YTHDC2: variants seen among roughly 807,000 people sequenced by gnomAD.
The protein encoded by YTHDC2 is 3'-5' RNA helicase YTHDC2.
In YTHDC2, 45 loss-of-function variants were observed where a neutral mutation model predicts 174.9. The ratio of observed to expected loss-of-function variants is 0.26; its 90% CI spans 0.20 to 0.33. The LOEUF is 0.33. Among genes scored for constraint, YTHDC2 ranks in the 10% least tolerant of loss-of-function variants. The probability of loss-of-function intolerance (pLI) is 1.00; values close to 1 mark genes in which losing one functional copy is unlikely to be tolerated. For synonymous variants in YTHDC2, 657 were observed against 574.5 expected, an observed-to-expected ratio of 1.14 and a Z score of -2.05; for missense variants, 1,650 against 1,723.7, an observed-to-expected ratio of 0.96 and a Z score of 0.76.
At chr5:113,563,268 C>G (rs544137285) in intron 18 of YTHDC2, 105 bp from the exon 19 acceptor site, 2 of 921,166 alleles carry the variant, frequency 2.2e-6, no homozygotes, top group East Asian at 5.4e-5. Context: ...TAATCAGAGA[C>G]TCTACTAGTC....
Position 113,564,102 on chromosome 5 carries a change from G to C in YTHDC2, c.2686G>C (p.Asp896His), listed in dbSNP as rs1056425699. 1.1e-5 allele frequency: 17 copies of C among 1,613,948 alleles called. No homozygotes were observed. The highest frequency in any genetic ancestry group is 1.3e-5 in the African/African-American group (1 of 74,908). Reference sequence around the variant, plus strand: ...ACGTTTTACTGCAGGAGCTTTCAGTGACCATATGGCACTTCTCAGAGCATT... The same window carrying C: ...ACGTTTTACTGCAGGAGCTTTCAGTCACCATATGGCACTTCTCAGAGCATT... ...RKRFTAGAFS[D>H]HMALLRAFQA... The change falls in exon 20 of 30, where the codon GAC (aspartate) becomes CAC (histidine). Residue 896 changes from aspartate to histidine, a missense_variant. By Grantham distance (81) the Asp-to-His change is moderately conservative (BLOSUM62 -1). Coordinates refer to ENST00000161863, the MANE Select transcript of YTHDC2 (RefSeq NM_022828.5).
chr5:113,589,449 G>C (rs2112820560), intron 26 of YTHDC2, among the ~76,000 whole-genome samples: 1 of 136,590 alleles, frequency 7.3e-6, no homozygotes, highest in East Asian at 2.0e-4. Flanking sequence ...ATATCTTCTG[G>C]CCCGGCGTGG....
chr5:113,533,761 A>G (rs541225989), intron 5 of YTHDC2, among the ~76,000 whole-genome samples: 2 of 152,166 alleles, frequency 1.3e-5, no homozygotes, highest in South Asian at 4.1e-4. Flanking sequence ...CTGAAATCCA[A>G]GATGCTAAAA....
Position 113,592,058 on chromosome 5 carries a change from A to G in YTHDC2, c.4092A>G (p.Gly1364=), listed in dbSNP as rs1779031330. 1.2e-6 allele frequency: 2 copies of G among 1,613,114 alleles called. No homozygotes were observed. Among genetic ancestry groups the G allele is most frequent in the East Asian group, 4.5e-5 (2 of 44,834 alleles). The change falls in exon 28 of 30, where the codon GGA becomes GGG. Residue 1364 remains glycine, a synonymous_variant. Transcript: ENST00000161863. ...AGAGTCAGGACTGGGGCTCTGCTGGACTAGGAGGAGTATTTAAGGTGGAGT... is the reference window on the plus strand; with the variant it reads ...AGAGTCAGGACTGGGGCTCTGCTGGGCTAGGAGGAGTATTTAAGGTGGAGT... ...REKSQDWGSA[G]LGGVFKVEWI...
chr5:113,589,427 A>ATATATATATATATATG (rs1778890835), intron 26 of YTHDC2, among the ~76,000 whole-genome samples: 2 of 143,856 alleles, frequency 1.4e-5, no homozygotes, highest in African/African-American at 5.1e-5. Context: ...ATATATATAT[A>ATATATATATATATATG]TATATGTATA....
intron 26 of YTHDC2, among the ~76,000 whole-genome samples, chr5:113,590,064 A>G (rs1778925678): frequency 6.7e-6 from 1 of 149,440 alleles, no homozygotes; most frequent in African/African-American, 2.5e-5. Flanking sequence ...CTGATTGCTC[A>G]TTGCAATCAG....
intron 2 of YTHDC2, among the ~76,000 whole-genome samples, chr5:113,521,903 G>T (rs932575580): frequency 6.6e-6 from 1 of 150,910 alleles, no homozygotes; most frequent in African/African-American, 2.4e-5. Context: ...GCTGTGCTCA[G>T]TTTGGCGACA....
In YTHDC2 at chr5:113,549,033, A is replaced by T. The variant is rs775510094; in HGVS notation, c.1688+13A>T. ...TAGAATCTTACAGGTAAAACTTTGTACTATTTTAAATTAATTCTACCGTCT... is the reference window on the plus strand; with the variant it reads ...TAGAATCTTACAGGTAAAACTTTGTTCTATTTTAAATTAATTCTACCGTCT... On this transcript the variant is annotated intron_variant, in intron 12 of 29. Transcript: ENST00000161863. 6.3e-7 allele frequency: 1 copy of T among 1,597,022 alleles called. No individual in the cohort carries two copies. Among genetic ancestry groups the T allele is most frequent in the African/African-American group, 1.3e-5 (1 of 74,222 alleles).
rs1422737346 is a variant in YTHDC2 at position 113,541,055 on chromosome 5, T to C, written c.1298T>C (p.Leu433Pro). The change falls in exon 9 of 30, where the codon CTA becomes CCA. Residue 433 changes from leucine (L) to proline (P), a missense_variant. By Grantham distance (98) the Leu-to-Pro change is moderately conservative (BLOSUM62 -3). Transcript: ENST00000161863. ...KPESQRQRTVLNVTDEYDLLD... is the reference protein window; with the variant it reads ...KPESQRQRTVPNVTDEYDLLD... ...GAATCTCAGAGGCAGAGAACTGTTC[T>C]AAATGTGACTGATGAGTATGACTTA... The C allele has an allele frequency of 2.5e-6, 4 of 1,614,202 alleles. No individual in the cohort carries two copies. Among genetic ancestry groups the C allele is most frequent in the Admixed American group, 1.7e-5 (1 of 60,020 alleles).
chr5:113,534,258 A>G, intron 5 of YTHDC2, 47 bp from the exon 6 acceptor site: 1 of 1,432,992 alleles, frequency 7.0e-7, no homozygotes, highest in Non-Finnish European at 9.8e-7. Context: ...TTTTAGTTAC[A>G]TGAAAAACTT....
intron 2 of YTHDC2, among the ~76,000 whole-genome samples, chr5:113,522,173 G>GT (rs1198292514): frequency 5.7e-5 from 7 of 122,540 alleles, no homozygotes; most frequent in Non-Finnish European, 1.1e-4. Flanking sequence ...GTTGTTGTTT[G>GT]TTTTTAAGAG....
Position 113,567,690 on chromosome 5 carries a change from G to T in YTHDC2, c.3085G>T (p.Ala1029Ser). Residue 1029 changes from alanine to serine, a missense_variant, in exon 23 of 30, where the codon GCA (alanine) becomes TCA (serine). Around this residue, in one of 5 missense-constraint regions of YTHDC2, gnomAD observed 913 missense variants for 940.4 expected, o/e 0.97. Transcript: ENST00000161863. The stretch of plus-strand genomic sequence containing the variant: ...CAATGGTCAAGCTGCAGCAATTAAG[G>T]CACTGCCCACAGATTGGCTTATTTA... ...PANGQAAAIK[A>S]LPTDWLIYDE... 1.9e-6 allele frequency: 3 copies of T among 1,605,126 alleles called. No homozygotes were observed. Among genetic ancestry groups the T allele is most frequent in the Non-Finnish European group, 2.5e-6 (3 of 1,176,646 alleles).
In YTHDC2 at chr5:113,540,207, A is replaced by T. The variant is rs182336462; in HGVS notation, c.1211-761A>T. Among the ~76,000 whole-genome samples, 128 of 152,340 alleles carry T rather than the reference A, an allele frequency of 8.4e-4. 1 individual carries two copies. The highest frequency in any genetic ancestry group is 3.4e-3 in the Middle Eastern group (1 of 294). ...GCTGAAACATTTGAAGATGAAAATT[A>T]TATATAATTGTATCTCAGAAAACTA... On this transcript the variant is annotated intron_variant, in intron 8 of 29. Transcript: ENST00000161863.
intron 12 of YTHDC2, among the ~76,000 whole-genome samples, chr5:113,549,900 T>TTGAA (rs1228265013): frequency 2.0e-5 from 3 of 151,756 alleles, no homozygotes; most frequent in African/African-American, 4.8e-5. Flanking sequence ...TGAGTGTTTG[T>TTGAA]TGAATGAATG....
intron 20 of YTHDC2, among the ~76,000 whole-genome samples, 173 bp downstream of exon 20, chr5:113,564,304 AT>A (rs1414095467): frequency 1.3e-5 from 2 of 152,196 alleles, no homozygotes; most frequent in African/African-American, 4.8e-5. Flanking sequence ...TTATGTTAAA[AT>A]TAAAACAGTT....
intron 26 of YTHDC2, among the ~76,000 whole-genome samples, chr5:113,586,727 C>A (rs1778699684): frequency 6.6e-6 from 1 of 150,722 alleles, no homozygotes; most frequent in East Asian, 1.9e-4. Context: ...TTTGCTTATA[C>A]AATTGTTCCA....
At chr5:113,584,739 C>A (rs1248420461) in intron 26 of YTHDC2, among the ~76,000 whole-genome samples, 1 of 143,394 alleles carries the variant, frequency 7.0e-6, no homozygotes, top group Non-Finnish European at 1.5e-5. Flanking sequence ...TGTAGGTAGG[C>A]TGTTTATTAT....
In YTHDC2 at chr5:113,581,464, T is replaced by C; in HGVS notation, c.3402T>C (p.Phe1134=). ...TCAGACAGAAGTGGCATAGCTTATT[T>C]TTACGCCGAATGAGAGCTCCATCTA... ...LQLRQKWHSL[F]LRRMRAPSKP... is the part of the protein sequence containing the mutation. Residue 1134 remains phenylalanine, a synonymous_variant, in exon 25 of 30, where the codon TTT becomes TTC. Transcript: ENST00000161863. 2 of 1,613,176 alleles carry C rather than the reference T, an allele frequency of 1.2e-6. No individual in the cohort carries two copies. The highest frequency in any genetic ancestry group is 2.7e-5 in the African/African-American group (2 of 74,992).
At position 113,535,695 on chromosome 5, in the gene YTHDC2, A is replaced by G. The variant is rs753891590; in HGVS notation, c.999A>G (p.Arg333=). 1 of 1,613,840 alleles carries G rather than the reference A, an allele frequency of 6.2e-7. No individual in the cohort carries two copies. The highest frequency in any genetic ancestry group is 1.7e-5 in the Admixed American group (1 of 60,002). Residue 333 remains arginine, a synonymous_variant, in exon 7 of 30, where the codon AGA becomes AGG. Coordinates refer to ENST00000161863, the MANE Select transcript of YTHDC2 (RefSeq NM_022828.5). ...GTGATTTTTTACTTACAAAGTTAAG[A>G]GATTTGTTGCAAAAGCACCCAACTT... ...RFSDFLLTKL[R]DLLQKHPTLK... is the part of the protein sequence containing the mutation.
Sources: allele counts gnomAD v4.1 joint callset (sites outside exome capture counted in the v4.1 genomes callset), GRCh38; gene constraint gnomAD v4.1.1; regional missense constraint gnomAD v4.1.1; transcripts MANE v1.5; gene names NCBI Gene and HGNC (gene_info 2026-07-23, HGNC 2026-07-21).